The following PTPRM variants were observed in gnomAD, a reference collection of about 807,000 sequenced individuals.
PTPRM encodes the protein receptor-type tyrosine-protein phosphatase mu.
Under a neutral mutation model 186.7 loss-of-function variants are expected in PTPRM, and 47 were observed. The ratio of observed to expected loss-of-function variants is 0.25; its 90% CI spans 0.20 to 0.32. The LOEUF (loss-of-function observed/expected upper bound fraction) is 0.32, where lower values mean the gene tolerates loss of function less well. Ranked by LOEUF, PTPRM falls within the 10% of genes least tolerant of loss-of-function variation. The pLI is 1.00. For missense variants in PTPRM, 1,494 were observed against 1,865.0 expected, an observed-to-expected ratio of 0.80 and a Z score of 3.66; for synonymous variants, 668 against 674.9, an observed-to-expected ratio of 0.99 and a Z score of 0.16.
At chr18:7,848,473 G>GC (rs2054922517) in intron 2 of PTPRM, among the ~76,000 whole-genome samples, 3 of 152,110 alleles carry the variant, frequency 2.0e-5, no homozygotes, top group Admixed American at 2.0e-4. Flanking sequence ...ACAAGGAATT[G>GC]CTTAAAAATA....
intron 2 of PTPRM, among the ~76,000 whole-genome samples, chr18:7,817,904 T>C (rs1052928992): frequency 6.6e-6 from 1 of 152,150 alleles, no homozygotes; most frequent in African/African-American, 2.4e-5. Context: ...GCTACAGACC[T>C]CTCTATTTGA....
intron 7 of PTPRM, among the ~76,000 whole-genome samples, chr18:8,013,245 ACC>A (rs1455496268): frequency 2.6e-5 from 4 of 152,286 alleles, no homozygotes; most frequent in South Asian, 4.1e-4. Context: ...AATATTATGA[ACC>A]AATCTGTTTT....
At chr18:7,622,007 G>A (rs953620419) in intron 1 of PTPRM, among the ~76,000 whole-genome samples, 15 of 152,100 alleles carry the variant, frequency 9.9e-5, no homozygotes, top group African/African-American at 3.1e-4. Context: ...TGGATCATAT[G>A]GTAAGAATGT....
At chr18:7,700,712 C>T (rs892064316) in intron 1 of PTPRM, among the ~76,000 whole-genome samples, 7 of 152,006 alleles carry the variant, frequency 4.6e-5, no homozygotes, top group Admixed American at 6.6e-5. Context: ...AAATTTAGGT[C>T]GGATGCAGTG....
intron 1 of PTPRM, among the ~76,000 whole-genome samples, chr18:7,698,981 T>A (rs756427058): frequency 2.6e-5 from 4 of 152,190 alleles, no homozygotes; most frequent in Non-Finnish European, 4.4e-5. Flanking sequence ...CCAGTACCAG[T>A]CCTTGGCCTG....
At chr18:8,158,522 A>G (rs190815467) in intron 14 of PTPRM, among the ~76,000 whole-genome samples, 1 of 152,362 alleles carries the variant, frequency 6.6e-6, no homozygotes, top group East Asian at 1.9e-4. Context: ...AAGTAAAACA[A>G]TGAAGAGTAT....
At chr18:7,633,861 C>T (rs961887255) in intron 1 of PTPRM, among the ~76,000 whole-genome samples, 9 of 152,272 alleles carry the variant, frequency 5.9e-5, no homozygotes, top group African/African-American at 1.2e-4. Flanking sequence ...ACCACCATCC[C>T]GGCCCTCCTG....
At chr18:8,075,208 G>C (rs2089730780) in intron 8 of PTPRM, among the ~76,000 whole-genome samples, 1 of 152,066 alleles carries the variant, frequency 6.6e-6, no homozygotes, top group Non-Finnish European at 1.5e-5. Context: ...TACTGCAACT[G>C]TAAGGGTTTC....
intron 6 of PTPRM, among the ~76,000 whole-genome samples, chr18:7,951,042 C>T (rs2052919703): frequency 6.6e-6 from 1 of 152,180 alleles, no homozygotes; most frequent in Non-Finnish European, 1.5e-5. Flanking sequence ...AGGAAGTGCA[C>T]ATTAAGATAT....
intron 1 of PTPRM, among the ~76,000 whole-genome samples, chr18:7,686,744 A>G (rs1236477193): frequency 6.6e-6 from 1 of 152,212 alleles, no homozygotes; most frequent in Non-Finnish European, 1.5e-5. Flanking sequence ...CTAACATGAA[A>G]AAAACCTCTG....
intron 20 of PTPRM, among the ~76,000 whole-genome samples, chr18:8,304,278 G>A (rs1290747951): frequency 6.6e-6 from 1 of 152,138 alleles, no homozygotes; most frequent in Non-Finnish European, 1.5e-5. Flanking sequence ...GATGGAAAGG[G>A]CAGAAATACC....
chr18:8,360,019 T>C (rs975492227), intron 23 of PTPRM, among the ~76,000 whole-genome samples: 8 of 152,222 alleles, frequency 5.3e-5, no homozygotes, highest in Admixed American at 1.3e-4. Context: ...TAGGGTTGTC[T>C]GGCCACATAA....
intron 14 of PTPRM, among the ~76,000 whole-genome samples, chr18:8,207,689 A>G (rs1051016744): frequency 2.6e-5 from 4 of 152,224 alleles, no homozygotes; most frequent in South Asian, 2.1e-4. Flanking sequence ...GATCTTCTCT[A>G]TATGTTTTAG....
chr18:7,641,719 G>A (rs2038447711), intron 1 of PTPRM, among the ~76,000 whole-genome samples: 1 of 152,144 alleles, frequency 6.6e-6, no homozygotes, highest in African/African-American at 2.4e-5. Context: ...TCATCTATAG[G>A]CATTAACTTT....
intron 1 of PTPRM, among the ~76,000 whole-genome samples, chr18:7,659,033 TTCAG>T (rs1320775853): frequency 1.3e-5 from 2 of 152,180 alleles, no homozygotes; most frequent in African/African-American, 4.8e-5. Flanking sequence ...TATTCAGGTC[TTCAG>T]TCAAATTGTC....
chr18:8,012,487 T>C (rs771658962), intron 7 of PTPRM, among the ~76,000 whole-genome samples: 3 of 152,192 alleles, frequency 2.0e-5, no homozygotes, highest in Non-Finnish European at 4.4e-5. Flanking sequence ...GATTTCATCA[T>C]TGCATGAACA....
chr18:7,889,184 G>A (rs2048933263), intron 3 of PTPRM, among the ~76,000 whole-genome samples: 1 of 152,084 alleles, frequency 6.6e-6, no homozygotes, highest in Non-Finnish European at 1.5e-5. Context: ...TTGATAAGGA[G>A]TGTCTTAAGG....
At chr18:8,305,216 A>T (rs2095208685) in intron 20 of PTPRM, among the ~76,000 whole-genome samples, 1 of 152,122 alleles carries the variant, frequency 6.6e-6, no homozygotes, top group Non-Finnish European at 1.5e-5. Context: ...TGTTTATATC[A>T]TTGAATGGTT....
At chr18:8,372,475 G>A (rs147537207) in intron 24 of PTPRM, among the ~76,000 whole-genome samples, 4 of 152,302 alleles carry the variant, frequency 2.6e-5, no homozygotes, top group Non-Finnish European at 5.9e-5. Context: ...GGCTAATTTA[G>A]TCTGATGTTT....
Sources: allele counts gnomAD v4.1 joint callset (sites outside exome capture counted in the v4.1 genomes callset), GRCh38; gene constraint gnomAD v4.1.1; transcripts MANE v1.5; gene names NCBI Gene and HGNC (gene_info 2026-07-23, HGNC 2026-07-21).